The following VWA3A variants were observed in gnomAD, a reference collection of about 807,000 sequenced individuals.
The protein encoded by VWA3A is von Willebrand factor A domain containing 3A.
VWA3A carries 134 observed loss-of-function variants against 160.4 expected under a neutral mutation model. The observed-to-expected ratio is 0.84, with a 90% CI of 0.73 to 0.96. The LOEUF is 0.96. VWA3A is among the 40% of genes least tolerant of loss of function. The pLI is 0.00. For synonymous variants in VWA3A, 476 were observed against 543.4 expected (o/e 0.88, Z 1.72); for missense variants, 1,310 against 1,447.9 (o/e 0.90, Z 1.55).
Position 22,156,125 on chromosome 16 carries a change from C to T in VWA3A, c.*108C>T, listed in dbSNP as rs554678266. The T allele has an allele frequency of 2.1e-3, 1,231 of 595,756 alleles. 2 individuals carry two copies. Among genetic ancestry groups the T allele is most frequent in the Non-Finnish European group, 3.2e-3 (1,085 of 339,238 alleles). 36.9% of individuals were successfully genotyped at this position (595,756 alleles called of 1,614,324 possible). On this transcript the variant is annotated 3_prime_UTR_variant, in exon 34 of 34. Coordinates refer to ENST00000389398, the MANE Select transcript of VWA3A (RefSeq NM_173615.5). Reference sequence around the variant, plus strand: ...CTGTGACCTGCAGGAAACATGATTCCTGGTACCAGGACTCTCTGGAAGCTG... The same window carrying T: ...CTGTGACCTGCAGGAAACATGATTCTTGGTACCAGGACTCTCTGGAAGCTG...
At chr16:22,094,907 C>G (rs2045291753) in intron 1 of VWA3A, among the ~76,000 whole-genome samples, 1 of 148,408 alleles carries the variant, frequency 6.7e-6, no homozygotes, top group Admixed American at 6.8e-5. Flanking sequence ...GTGGAGATTG[C>G]AGTGAGCCAA....
intron 21 of VWA3A, among the ~76,000 whole-genome samples, 166 bp from the exon 22 acceptor site, chr16:22,138,194 G>C (rs574108039): frequency 6.6e-5 from 10 of 152,010 alleles, no homozygotes; most frequent in Non-Finnish European, 8.8e-5. Flanking sequence ...TTGTTCATAG[G>C]ATTGGTCCAT....
At chr16:22,095,718 T>G (rs1211302390) in intron 1 of VWA3A, among the ~76,000 whole-genome samples, 1 of 151,868 alleles carries the variant, frequency 6.6e-6, no homozygotes, top group Non-Finnish European at 1.5e-5. Context: ...CCACCACACC[T>G]GGCTAATTTA....
intron 21 of VWA3A, among the ~76,000 whole-genome samples, chr16:22,135,700 A>AGGG (rs1207770322): frequency 6.6e-6 from 1 of 152,182 alleles, no homozygotes; most frequent in Non-Finnish European, 1.5e-5. Context: ...TCCTAAGCTC[A>AGGG]GGGCCTTTGC....
intron 24 of VWA3A, among the ~76,000 whole-genome samples, chr16:22,142,343 A>C (rs917949367): frequency 2.0e-5 from 3 of 151,692 alleles, no homozygotes; most frequent in African/African-American, 7.3e-5. Flanking sequence ...ATCTGGTGAG[A>C]GCTTCAGGCT....
Position 22,102,819 on chromosome 16 carries a change from C to G in VWA3A, c.429-656C>G, listed in dbSNP as rs147513907. ...TCGTAAGAACACCCTCCCCCACCCT[C>G]CACAGACCTGCCCTCACCGGGCAGA... On this transcript the variant is annotated intron_variant, in intron 5 of 33. Coordinates refer to ENST00000389398, the MANE Select transcript of VWA3A (RefSeq NM_173615.5). Among the ~76,000 whole-genome samples the G allele has an allele frequency of 4.9e-3, 740 of 152,286 alleles. 7 individuals are homozygous for G. Among genetic ancestry groups the G allele is most frequent in the African/African-American group, 0.017 (692 of 41,562 alleles).
Position 22,113,417 on chromosome 16 carries a change from G to T in VWA3A, c.690-1930G>T, listed in dbSNP as rs921958325. ...TTTTTGTATTTTTAGTAGAGACAAG[G>T]TTTCACCATGTTGACCAGGCTGGTC... On this transcript the variant is annotated intron_variant, in intron 8 of 33. Transcript: ENST00000389398. Among the ~76,000 whole-genome samples, 7 of 110,842 alleles carry T rather than the reference G, an allele frequency of 6.3e-5. No homozygotes were observed. The East Asian group carries it at 2.6e-3, about 42-fold the overall frequency. The allele number at this position is 110,842 out of a possible 152,430, so 72.7% of individuals were successfully genotyped here.
chr16:22,147,266 C>T (rs2046270456), intron 27 of VWA3A, among the ~76,000 whole-genome samples: 1 of 152,182 alleles, frequency 6.6e-6, no homozygotes, highest in Non-Finnish European at 1.5e-5. Flanking sequence ...TCAAGCTATC[C>T]TCCTGCCTCA....
At chr16:22,125,556 T>TG (rs2045831847) in intron 16 of VWA3A, among the ~76,000 whole-genome samples, 1 of 151,962 alleles carries the variant, frequency 6.6e-6, no homozygotes, top group East Asian at 2.0e-4. Flanking sequence ...CCCAAGTAGC[T>TG]GGGACTACAG....
At chr16:22,114,063 C>T (rs565629378) in intron 8 of VWA3A, among the ~76,000 whole-genome samples, 6 of 151,240 alleles carry the variant, frequency 4.0e-5, no homozygotes, top group South Asian at 4.2e-4. Context: ...TAAATAAATA[C>T]GATGAGAGCA....
At chr16:22,123,279 G>C in intron 15 of VWA3A, 114 bp downstream of exon 15, 1 of 1,168,076 alleles carries the variant, frequency 8.6e-7, no homozygotes, top group Middle Eastern at 2.2e-4. Flanking sequence ...CTTGTAAAGA[G>C]GGACTGTGTG....
chr16:22,105,695 T>A (rs1259859368), intron 6 of VWA3A, among the ~76,000 whole-genome samples: 2 of 152,242 alleles, frequency 1.3e-5, no homozygotes, highest in Non-Finnish European at 2.9e-5. Flanking sequence ...TATGTACTTG[T>A]CCAGTTATTT....
intron 17 of VWA3A, among the ~76,000 whole-genome samples, chr16:22,126,755 C>G (rs918108339): frequency 8.5e-5 from 13 of 152,102 alleles, no homozygotes; most frequent in Admixed American, 2.0e-4. Context: ...CGCCTGTAAT[C>G]CCAGCACCTT....
At chr16:22,150,009 A>G in intron 29 of VWA3A, 78 bp downstream of exon 29, 1 of 1,483,896 alleles carries the variant, frequency 6.7e-7, no homozygotes, top group South Asian at 1.4e-5. Flanking sequence ...ACGATGCTTT[A>G]GGATTTACAA....
chr16:22,153,986 G>A (rs775743704), intron 31 of VWA3A, among the ~76,000 whole-genome samples: 6 of 152,112 alleles, frequency 3.9e-5, no homozygotes, highest in South Asian at 2.1e-4. Context: ...TAATCCTCCC[G>A]CCTGAGCTTC....
intron 1 of VWA3A, among the ~76,000 whole-genome samples, chr16:22,094,572 CAAAAA>C (rs140237362): frequency 2.8e-5 from 4 of 142,930 alleles, no homozygotes; most frequent in African/African-American, 1.0e-4. Flanking sequence ...CTAGCTGAAG[CAAAAA>C]AAAAAGGTAG....
chr16:22,146,822 A>G (rs544589701), intron 27 of VWA3A, among the ~76,000 whole-genome samples: 1 of 151,884 alleles, frequency 6.6e-6, no homozygotes, highest in Admixed American at 6.5e-5. Flanking sequence ...GCTGGATAAC[A>G]GGGAGGTGGA....
intron 1 of VWA3A, among the ~76,000 whole-genome samples, chr16:22,093,002 T>C (rs145769304): frequency 3.3e-5 from 5 of 152,218 alleles, no homozygotes; most frequent in African/African-American, 1.2e-4. Context: ...CCTCTCTCCC[T>C]TGGACCAAAA....
intron 25 of VWA3A, 42 bp downstream of exon 25, chr16:22,142,807 G>GAGTAGTT (rs1567222022): frequency 7.0e-7 from 1 of 1,425,722 alleles, no homozygotes; most frequent in Admixed American, 2.0e-5. Context: ...TTAAGCAATA[G>GAGTAGTT]AGTAGTTCTG....
Sources: gnomAD v4.1 joint callset for allele counts (sites outside exome capture counted in the v4.1 genomes callset) on GRCh38, gnomAD v4.1.1 for gene constraint, MANE v1.5 for transcripts, NCBI Gene and HGNC (gene_info 2026-07-23, HGNC 2026-07-21) for gene names.